ZC4H2: variants seen among roughly 807,000 people sequenced by gnomAD.
ZC4H2 encodes zinc finger C4H2-type containing, also known as zinc finger C4H2 domain-containing protein.
For synonymous variants in ZC4H2, 84 were observed against 66.3 expected (o/e 1.27, Z -1.30); for missense variants, 137 against 173.9 (o/e 0.79, Z 1.19).
Position 64,919,920 on chromosome X carries a change from A to G in ZC4H2, c.398+161T>C, listed in dbSNP as rs1214574645. The G allele has an allele frequency of 1.1e-5, 5 of 452,554 alleles. No individual in the cohort carries two copies. In the African/African-American group the frequency reaches 1.2e-4, roughly 11 times the overall value. 37.3% of individuals were successfully genotyped at this position (452,554 alleles called of 1,213,427 possible). On this transcript the variant is annotated intron_variant, in intron 3 of 4. Transcript: ENST00000374839. Reference sequence around the variant, plus strand: ...GGCACAGAGACTTGCCCAAGATCACACAGTGAGTAAGCCACTGAAAGGCCT... The same window carrying G: ...GGCACAGAGACTTGCCCAAGATCACGCAGTGAGTAAGCCACTGAAAGGCCT...
intron 1 of ZC4H2, among the ~76,000 whole-genome samples, chrX:64,952,393 G>A (rs889417982): frequency 7.3e-5 from 8 of 109,960 alleles, no homozygotes; most frequent in African/African-American, 2.0e-4. Flanking sequence ...ACCTTGGGCA[G>A]TATGGCCATT....
At chrX:65,033,124 T>C (rs1427491949) in intron 1 of ZC4H2, among the ~76,000 whole-genome samples, 1 of 112,140 alleles carries the variant, frequency 8.9e-6, no homozygotes, top group Non-Finnish European at 1.9e-5. Flanking sequence ...CTTAAAGTTC[T>C]TACACATGGC....
chrX:64,972,643 G>A (rs948577540), intron 1 of ZC4H2, among the ~76,000 whole-genome samples: 16 of 111,578 alleles, frequency 1.4e-4, no homozygotes, highest in African/African-American at 5.2e-4. Flanking sequence ...TGTAACCATG[G>A]GAAAGTTGCC....
chrX:64,922,038 T>C (rs1415880361), intron 1 of ZC4H2, 50 bp from the exon 2 acceptor site: 1 of 1,190,640 alleles, frequency 8.4e-7, no homozygotes, highest in Non-Finnish European at 1.1e-6. Flanking sequence ...AGGGAGAAAA[T>C]AGAAATGGAG....
intron 1 of ZC4H2, among the ~76,000 whole-genome samples, chrX:64,985,708 T>C (rs1249945222): frequency 9.0e-6 from 1 of 111,213 alleles, no homozygotes; most frequent in Non-Finnish European, 1.9e-5. Context: ...TCTGAAAGGG[T>C]TTCCCAGACA....
intron 1 of ZC4H2, among the ~76,000 whole-genome samples, chrX:64,986,170 T>C (rs1932181256): frequency 8.9e-6 from 1 of 112,389 alleles, no homozygotes; most frequent in South Asian, 3.7e-4. Flanking sequence ...AAAAACAGGA[T>C]AAAAGTAAGC....
intron 1 of ZC4H2, among the ~76,000 whole-genome samples, chrX:65,026,416 A>G (rs1177525793): frequency 8.9e-6 from 1 of 111,971 alleles, no homozygotes. Context: ...TTGAGCAACG[A>G]AAGGAATTTA....
At chrX:64,939,503 C>T (rs1022480888) in intron 1 of ZC4H2, among the ~76,000 whole-genome samples, 1 of 112,038 alleles carries the variant, frequency 8.9e-6, no homozygotes, top group South Asian at 3.7e-4. Context: ...GCAAAAAGAA[C>T]AAAGCTGGAG....
intron 1 of ZC4H2, among the ~76,000 whole-genome samples, chrX:65,032,239 G>A (rs984291707): frequency 2.7e-5 from 3 of 112,051 alleles, no homozygotes; most frequent in African/African-American, 9.7e-5. Flanking sequence ...TTTTATATAT[G>A]TATTTCTCTA....
At chrX:65,019,514 C>A (rs1431181994) in intron 1 of ZC4H2, among the ~76,000 whole-genome samples, 1 of 112,164 alleles carries the variant, frequency 8.9e-6, no homozygotes, top group Non-Finnish European at 1.9e-5. Context: ...GACGTCCACT[C>A]AGAGACCCAA....
chrX:64,931,833 T>C (rs1309083844), intron 1 of ZC4H2, among the ~76,000 whole-genome samples: 3 of 111,930 alleles, frequency 2.7e-5, no homozygotes, highest in Middle Eastern at 4.6e-3. Flanking sequence ...TCTGTAGTTG[T>C]TGGAAATAAT....
At chrX:65,017,184 C>A (rs1040562011) in intron 1 of ZC4H2, among the ~76,000 whole-genome samples, 1 of 112,063 alleles carries the variant, frequency 8.9e-6, no homozygotes, top group Non-Finnish European at 1.9e-5. Flanking sequence ...AGATGATGGT[C>A]AGCCATAACC....
At chrX:65,018,965 C>T (rs1427074856) in intron 1 of ZC4H2, among the ~76,000 whole-genome samples, 1 of 111,691 alleles carries the variant, frequency 9.0e-6, no homozygotes, top group Non-Finnish European at 1.9e-5. Context: ...AAGGCCACTG[C>T]GGCCAGAAGG....
chrX:64,958,027 C>T (rs1262879929), intron 1 of ZC4H2, among the ~76,000 whole-genome samples: 1 of 111,307 alleles, frequency 9.0e-6, no homozygotes, highest in Non-Finnish European at 1.9e-5. Context: ...GGAATACCTC[C>T]TGGAAGTCCA....
chrX:64,923,664 C>T (rs749381088), intron 1 of ZC4H2, among the ~76,000 whole-genome samples: 8 of 101,970 alleles, frequency 7.8e-5, no homozygotes, highest in Non-Finnish European at 1.3e-4. Flanking sequence ...ACTAAGAAAA[C>T]ATCTTTTCAT....
intron 1 of ZC4H2, among the ~76,000 whole-genome samples, chrX:64,969,099 C>G (rs1243957035): frequency 8.9e-6 from 1 of 112,153 alleles, no homozygotes; most frequent in Non-Finnish European, 1.9e-5. Context: ...CGAAAGGTCT[C>G]TCCTCTTAAT....
chrX:64,951,267 G>T (rs1280810348), intron 1 of ZC4H2, among the ~76,000 whole-genome samples: 1 of 112,087 alleles, frequency 8.9e-6, no homozygotes, highest in South Asian at 3.7e-4. Context: ...ACAAACATAC[G>T]TGTGCATGTG....
chrX:65,021,027 A>C (rs1932832922), intron 1 of ZC4H2, among the ~76,000 whole-genome samples: 1 of 110,825 alleles, frequency 9.0e-6, no homozygotes, highest in Non-Finnish European at 1.9e-5. Flanking sequence ...TTCATAAAGC[A>C]AGTTCTTAGA....
intron 1 of ZC4H2, among the ~76,000 whole-genome samples, chrX:64,941,543 T>A (rs1268314090): frequency 2.7e-5 from 3 of 112,046 alleles, no homozygotes; most frequent in Non-Finnish European, 5.6e-5. Flanking sequence ...CATAAATAGC[T>A]CTTATTATTT....
Sources: allele counts gnomAD v4.1 joint callset (sites outside exome capture counted in the v4.1 genomes callset), GRCh38; gene constraint gnomAD v4.1.1; transcripts MANE v1.5; gene names NCBI Gene and HGNC (gene_info 2026-07-23, HGNC 2026-07-21).